SLC39A11: variants seen among roughly 807,000 people sequenced by gnomAD.
SLC39A11 encodes zinc transporter ZIP11.
Under a neutral mutation model 36.1 loss-of-function variants are expected in SLC39A11, and 33 were observed. The observed-to-expected ratio is 0.91, with a 90% CI of 0.69 to 1.22. SLC39A11 has a LOEUF of 1.22. Ranked by LOEUF, SLC39A11 falls within the 50% of genes most tolerant of loss-of-function variation. The pLI is 0.00. For synonymous variants in SLC39A11, 166 were observed against 170.3 expected, an observed-to-expected ratio of 0.97 and a Z score of 0.20; for missense variants, 432 against 430.3, an observed-to-expected ratio of 1.00 and a Z score of -0.03.
intron 6 of SLC39A11, among the ~76,000 whole-genome samples, chr17:72,847,847 G>A (rs576661749): frequency 2.0e-5 from 3 of 152,302 alleles, no homozygotes; most frequent in African/African-American, 7.2e-5. Flanking sequence ...AGAGAAAAAT[G>A]TCATGACTAG....
intron 5 of SLC39A11, among the ~76,000 whole-genome samples, chr17:72,919,751 TG>T (rs1329440102): frequency 6.7e-6 from 1 of 149,022 alleles, no homozygotes; most frequent in Non-Finnish European, 1.5e-5. Context: ...TGACCCCGCG[TG>T]GGGTGGAGAC....
intron 5 of SLC39A11, among the ~76,000 whole-genome samples, chr17:72,914,188 C>T (rs1411816705): frequency 6.6e-6 from 1 of 151,694 alleles, no homozygotes; most frequent in Non-Finnish European, 1.5e-5. Context: ...CGGTGGCGGG[C>T]ACCTGTAGTC....
At chr17:73,009,849 T>C (rs1196457268) in intron 4 of SLC39A11, among the ~76,000 whole-genome samples, 6 of 152,066 alleles carry the variant, frequency 3.9e-5, no homozygotes, top group Non-Finnish European at 7.4e-5. Flanking sequence ...TAACTCGTCA[T>C]TTACATTAGG....
intron 7 of SLC39A11, among the ~76,000 whole-genome samples, chr17:72,735,176 C>T (rs2074373599): frequency 6.6e-6 from 1 of 152,114 alleles, no homozygotes; most frequent in Admixed American, 6.5e-5. Flanking sequence ...AAAGTTTCGC[C>T]CTGGAACATT....
chr17:73,067,352 G>A (rs1243237877), intron 3 of SLC39A11, among the ~76,000 whole-genome samples: 2 of 152,214 alleles, frequency 1.3e-5, no homozygotes, highest in Non-Finnish European at 1.5e-5. Flanking sequence ...TTTGTAGCAT[G>A]GAAGGCAGAT....
At chr17:72,927,533 T>C (rs2084119705) in intron 5 of SLC39A11, among the ~76,000 whole-genome samples, 2 of 151,952 alleles carry the variant, frequency 1.3e-5, no homozygotes, top group South Asian at 4.2e-4. Flanking sequence ...AACAAAAAAC[T>C]CCCGGTGATT....
chr17:72,824,016 T>G (rs1007052287), intron 6 of SLC39A11: 1 of 150,912 alleles, frequency 6.6e-6, no homozygotes, highest in African/African-American at 2.4e-5. Flanking sequence ...CAAAGTTGTA[T>G]TCAATTTAAA....
chr17:73,069,746 A>T lies in SLC39A11; in HGVS notation c.147+15062T>A, dbSNP rs150325656. On this transcript the variant is annotated intron_variant, in intron 3 of 9. Coordinates refer to ENST00000255559, the MANE Select transcript of SLC39A11 (RefSeq NM_139177.4). Reference sequence around the variant, plus strand: ...AACTTTGATCCTTTGCACTCAGGGTATCTTTCAAAAGAATTGATACTCAGT... The same window carrying T: ...AACTTTGATCCTTTGCACTCAGGGTTTCTTTCAAAAGAATTGATACTCAGT... Among the ~76,000 whole-genome samples the T allele has an allele frequency of 4.9e-3, 752 of 152,330 alleles. 8 individuals carry two copies. The highest frequency in any genetic ancestry group is 0.017 in the African/African-American group (707 of 41,574).
intron 7 of SLC39A11, among the ~76,000 whole-genome samples, chr17:72,660,114 C>T (rs1006974591): frequency 2.0e-5 from 3 of 152,112 alleles, no homozygotes; most frequent in Non-Finnish European, 2.9e-5. Context: ...CCACTCAAAC[C>T]TCAATGTCTC....
At chr17:72,888,163 G>A (rs1169692614) in intron 5 of SLC39A11, among the ~76,000 whole-genome samples, 1 of 152,212 alleles carries the variant, frequency 6.6e-6, no homozygotes, top group East Asian at 1.9e-4. Flanking sequence ...CGAACATACT[G>A]TGCATGAGGT....
intron 6 of SLC39A11, among the ~76,000 whole-genome samples, chr17:72,765,746 TAAC>T (rs1262230050): frequency 1.3e-5 from 2 of 152,210 alleles, no homozygotes; most frequent in African/African-American, 4.8e-5. Context: ...TTCAAGCTGG[TAAC>T]AACATGTTTT....
chr17:73,074,565 G>A (rs773301527), intron 3 of SLC39A11, among the ~76,000 whole-genome samples: 10 of 152,046 alleles, frequency 6.6e-5, no homozygotes, highest in Non-Finnish European at 1.3e-4. Flanking sequence ...CCAAAGTGCC[G>A]GGATTACAGG....
Position 72,948,984 on chromosome 17 carries a change from A to G in SLC39A11, c.307-1109T>C, listed in dbSNP as rs146746326. On this transcript the variant is annotated intron_variant, in intron 4 of 9. Coordinates refer to ENST00000255559, the MANE Select transcript of SLC39A11 (RefSeq NM_139177.4). Reference sequence around the variant, plus strand: ...AACAACAAGGCAGAGGAGAGACTCAACCAACTACACAAGCACCTCCACTTT... The same window carrying G: ...AACAACAAGGCAGAGGAGAGACTCAGCCAACTACACAAGCACCTCCACTTT... Among the ~76,000 whole-genome samples the G allele has an allele frequency of 6.9e-4, 105 of 152,176 alleles. 4 individuals are homozygous for G. The East Asian group carries it at 0.019, about 27-fold the overall frequency.
intron 5 of SLC39A11, among the ~76,000 whole-genome samples, chr17:72,924,160 A>T (rs2083881569): frequency 8.4e-6 from 1 of 118,442 alleles, no homozygotes; most frequent in Non-Finnish European, 1.8e-5. Flanking sequence ...AAAAAAAAAA[A>T]AATTTTTTTT....
intron 4 of SLC39A11, among the ~76,000 whole-genome samples, chr17:72,971,891 G>C (rs544833773): frequency 6.6e-6 from 1 of 152,292 alleles, no homozygotes; most frequent in East Asian, 1.9e-4. Flanking sequence ...AGCACCTACG[G>C]TTTGCAGACT....
intron 6 of SLC39A11, among the ~76,000 whole-genome samples, chr17:72,841,669 T>C (rs1338910834): frequency 2.0e-5 from 3 of 152,140 alleles, no homozygotes; most frequent in Admixed American, 6.6e-5. Flanking sequence ...AATATAATAA[T>C]TGTACATTTT....
intron 7 of SLC39A11, among the ~76,000 whole-genome samples, chr17:72,691,972 A>G (rs920843737): frequency 1.3e-5 from 2 of 151,648 alleles, no homozygotes; most frequent in Admixed American, 6.6e-5. Flanking sequence ...GTGCCTAAAC[A>G]GGGGGATTAT....
At chr17:72,803,680 T>C (rs2077166157) in intron 6 of SLC39A11, among the ~76,000 whole-genome samples, 2 of 152,144 alleles carry the variant, frequency 1.3e-5, no homozygotes, top group Admixed American at 1.3e-4. Flanking sequence ...CAGGTCACAT[T>C]TGCTTTCTCT....
At chr17:73,050,445 G>T (rs949362484) in intron 3 of SLC39A11, among the ~76,000 whole-genome samples, 1 of 149,508 alleles carries the variant, frequency 6.7e-6, no homozygotes, top group Non-Finnish European at 1.5e-5. Flanking sequence ...ATAGGAGCAG[G>T]GAGCCATGTG....
Sources: allele counts gnomAD v4.1 joint callset (sites outside exome capture counted in the v4.1 genomes callset), GRCh38; gene constraint gnomAD v4.1.1; transcripts MANE v1.5; gene names NCBI Gene and HGNC (gene_info 2026-07-23, HGNC 2026-07-21).